The following RELN variants were observed in gnomAD, a reference collection of about 807,000 sequenced individuals.
RELN encodes the protein reelin.
Under a neutral mutation model 427.6 loss-of-function variants are expected in RELN, and 108 were observed. The observed-to-expected ratio is 0.25, with a 90% confidence interval of 0.22 to 0.30. The LOEUF is 0.30. RELN is among the 10% of genes least tolerant of loss of function. The pLI is 1.00. For synonymous variants in RELN, 1,524 were observed against 1,513.4 expected (o/e 1.01, Z -0.16); for missense variants, 3,715 against 4,302.8 (o/e 0.86, Z 3.82).
chr7:103,648,868 C>T (rs927874185), intron 16 of RELN, among the ~76,000 whole-genome samples: 1 of 151,818 alleles, frequency 6.6e-6, no homozygotes, highest in Non-Finnish European at 1.5e-5. Context: ...GAGAAATGCA[C>T]ATTAAAACCA....
rs192424162 is a variant in RELN, at chr7:103,551,046, C to T, written c.6302+21G>A. ...ACTGTCAAAGGAGAAACAAATGTGG[C>T]GTCAAGCAGCGGGTCCTTACCCACA... On this transcript the variant is annotated intron_variant, in intron 41 of 64. Transcript: ENST00000428762. 5,842 of 1,582,192 alleles carry T rather than the reference C, an allele frequency of 3.7e-3. 22 individuals carry two copies. The highest frequency in any genetic ancestry group is 5.3e-3 in the Admixed American group (317 of 59,634).
intron 48 of RELN, among the ~76,000 whole-genome samples, chr7:103,521,258 C>T (rs906656700): frequency 2.6e-5 from 4 of 151,960 alleles, no homozygotes; most frequent in African/African-American, 4.8e-5. Context: ...GGATTACAGG[C>T]GTGAGCCACC....
At position 103,918,772 on chromosome 7, in the gene RELN, C is replaced by CCA. The variant is rs200894332; in HGVS notation, c.227-1589_227-1588dup. Among the ~76,000 whole-genome samples, 81 of 152,028 alleles carry CCA rather than the reference C, an allele frequency of 5.3e-4. No homozygotes were observed. In the East Asian group the frequency reaches 0.013, roughly 24 times the overall value. ...ATCAGATGAGCCCCACTTGGAAAAG[C>CCA]CACATGGAAAAAAAGAAGACAGAGA... On this transcript the variant is annotated intron_variant, in intron 1 of 64. Coordinates refer to ENST00000428762, the MANE Select transcript of RELN (RefSeq NM_005045.4).
intron 53 of RELN, among the ~76,000 whole-genome samples, chr7:103,499,260 C>T (rs1828941760): frequency 6.6e-6 from 1 of 152,198 alleles, no homozygotes; most frequent in Non-Finnish European, 1.5e-5. Context: ...ATCCTTTTAA[C>T]TAAGAATGAT....
At chr7:103,623,801 T>C (rs1832269569) in intron 20 of RELN, among the ~76,000 whole-genome samples, 1 of 152,182 alleles carries the variant, frequency 6.6e-6, no homozygotes, top group Non-Finnish European at 1.5e-5. Flanking sequence ...TGAATGTCCC[T>C]ACAGAAGCAG....
At chr7:103,748,139 G>GTT (rs11307252) in intron 6 of RELN, among the ~76,000 whole-genome samples, 184 of 135,148 alleles carry the variant, frequency 1.4e-3, no homozygotes, top group South Asian at 0.012. Context: ...ACTTAGAAAG[G>GTT]TTTTTTTTTT....
chr7:103,637,207 A>C (rs1319156942), intron 17 of RELN, among the ~76,000 whole-genome samples: 2 of 152,240 alleles, frequency 1.3e-5, no homozygotes, highest in African/African-American at 4.8e-5. Context: ...CAGCAATGGA[A>C]ACATCTACGT....
intron 50 of RELN, chr7:103,513,677 C>T (rs1448352541): frequency 2.0e-5 from 3 of 151,700 alleles, no homozygotes; most frequent in Admixed American, 6.6e-5. Context: ...ATGAAATTAA[C>T]CTAAATATCC....
chr7:103,922,278 T>G (rs1795631515), intron 1 of RELN, among the ~76,000 whole-genome samples: 1 of 152,048 alleles, frequency 6.6e-6, no homozygotes, highest in African/African-American at 2.4e-5. Context: ...TCTAAGAAAA[T>G]TTTAGTTGGA....
intron 1 of RELN, among the ~76,000 whole-genome samples, chr7:103,970,804 G>C (rs1796747796): frequency 6.6e-6 from 1 of 152,214 alleles, no homozygotes; most frequent in African/African-American, 2.4e-5. Context: ...CTAATTCAGT[G>C]TTCACAGTCT....
At chr7:103,480,699 C>A (rs1828202947) in intron 63 of RELN, among the ~76,000 whole-genome samples, 1 of 152,102 alleles carries the variant, frequency 6.6e-6, no homozygotes, top group African/African-American at 2.4e-5. Flanking sequence ...AAAGAGACTG[C>A]ATTTGCTTTT....
intron 20 of RELN, among the ~76,000 whole-genome samples, chr7:103,623,222 A>G (rs899072927): frequency 6.6e-6 from 1 of 152,180 alleles, no homozygotes; most frequent in African/African-American, 2.4e-5. Flanking sequence ...TTACTGTGAA[A>G]TGGTCGCTGA....
Position 103,640,705 on chromosome 7 carries a change from G to C in RELN, c.2003-96C>G. The C allele has an allele frequency of 7.9e-7, 1 of 1,260,662 alleles. No homozygotes were observed. The highest frequency in any genetic ancestry group is 1.3e-5 in the South Asian group (1 of 79,512). The allele number at this position is 1,260,662 out of a possible 1,614,324, so 78.1% of individuals were successfully genotyped here. A position where few individuals can be genotyped will look rare whatever the true frequency, so the allele number is the denominator to read the frequency against. ...ACTCATGAAATATGGCCCCTTGTGT[G>C]TATGTTGTGTGCAGGAACCCAGGGT... On this transcript the variant is annotated intron_variant, in intron 16 of 64. Transcript: ENST00000428762. The surrounding 1 kb of genome is among the most constrained non-coding windows in gnomAD (Gnocchi z 4.1).
chr7:103,773,187 T>TTTC, intron 4 of RELN, among the ~76,000 whole-genome samples: 1 of 127,556 alleles, frequency 7.8e-6, no homozygotes. Context: ...TCCTTCTTTC[T>TTTC]TTTCTTTCTT....
chr7:103,783,072 G>A (rs145220381), intron 3 of RELN, among the ~76,000 whole-genome samples: 6 of 151,710 alleles, frequency 4.0e-5, no homozygotes, highest in East Asian at 1.9e-4. Flanking sequence ...ATCTGAGTTC[G>A]GTAAATTTGA....
At chr7:103,697,057 T>C (rs1408881010) in intron 10 of RELN, among the ~76,000 whole-genome samples, 2 of 152,170 alleles carry the variant, frequency 1.3e-5, no homozygotes, top group African/African-American at 4.8e-5. Context: ...AACAGAGTAC[T>C]ATGACTGGGT....
At chr7:103,938,118 A>T (rs1796027299) in intron 1 of RELN, among the ~76,000 whole-genome samples, 1 of 152,006 alleles carries the variant, frequency 6.6e-6, no homozygotes, top group South Asian at 2.1e-4. Context: ...GTCAGGAGTT[A>T]GAGACCAGCC....
At position 103,909,733 on chromosome 7, in the gene RELN, T is replaced by A. The variant is rs1272774047; in HGVS notation, c.337+7342A>T. Among the ~76,000 whole-genome samples, 17 of 29,190 alleles carry A rather than the reference T, an allele frequency of 5.8e-4. 1 individual carries two copies. The highest frequency in any genetic ancestry group is 2.5e-3 in the African/African-American group (17 of 6,690). 19.1% of individuals were successfully genotyped at this position (29,190 alleles called of 152,430 possible). A position where few individuals can be genotyped will look rare whatever the true frequency, so the allele number is the denominator to read the frequency against. On this transcript the variant is annotated intron_variant, in intron 2 of 64. Transcript: ENST00000428762. ...ATAAATATATATTAAATATATTTTT[T>A]AATATATATAAATATATATATTAAA...
At chr7:103,782,185 T>C (rs574683059) in intron 3 of RELN, among the ~76,000 whole-genome samples, 7 of 152,312 alleles carry the variant, frequency 4.6e-5, no homozygotes, top group African/African-American at 1.4e-4. Context: ...ATGATCATCA[T>C]ATTCAGTGCT....
Sources: allele counts gnomAD v4.1 joint callset (sites outside exome capture counted in the v4.1 genomes callset), GRCh38; gene constraint gnomAD v4.1.1; non-coding constraint Gnocchi (gnomAD v3.1); transcripts MANE v1.5; gene names NCBI Gene and HGNC (gene_info 2026-07-23, HGNC 2026-07-21).